Variants in GPHN observed in about 807,000 individuals in gnomAD.
GPHN encodes gephyrin.
GPHN carries 17 observed loss-of-function variants against 95.5 expected under a neutral mutation model. The ratio of observed to expected loss-of-function variants is 0.18; its 90% CI spans 0.12 to 0.27. The LOEUF (loss-of-function observed/expected upper bound fraction) is 0.27, where lower values mean the gene tolerates loss of function less well. Ranked by LOEUF, GPHN falls within the 10% of genes least tolerant of loss-of-function variation. GPHN has a pLI of 1.00. For missense variants in GPHN, 660 were observed against 978.1 expected (o/e 0.67, Z 4.34); for synonymous variants, 320 against 322.5 (o/e 0.99, Z 0.08).
intron 1 of GPHN, among the ~76,000 whole-genome samples, chr14:66,655,787 T>A (rs1398838708): frequency 1.3e-5 from 2 of 152,086 alleles, no homozygotes; most frequent in African/African-American, 2.4e-5. Context: ...TCTTCTCATC[T>A]TTTTGAGAAT....
chr14:66,861,059 T>G (rs2063003976), intron 4 of GPHN, among the ~76,000 whole-genome samples: 1 of 151,992 alleles, frequency 6.6e-6, no homozygotes, highest in Admixed American at 6.6e-5. Context: ...GAATTATAAA[T>G]GGACCAAACT....
chr14:66,619,109 A>G (rs117573042), intron 1 of GPHN, among the ~76,000 whole-genome samples: 1,848 of 152,258 alleles, frequency 0.012, 24 homozygotes, highest in Non-Finnish European at 0.018. Flanking sequence ...TTGTTCATTC[A>G]TATTCCATTA....
At chr14:67,142,496 G>A (rs1015165137) in intron 17 of GPHN, among the ~76,000 whole-genome samples, 19 of 152,084 alleles carry the variant, frequency 1.2e-4, no homozygotes, top group African/African-American at 3.9e-4. Flanking sequence ...CCATCAAAGA[G>A]CCTGTTGCAC....
intron 11 of GPHN, among the ~76,000 whole-genome samples, chr14:67,071,524 C>T (rs972126488): frequency 1.5e-4 from 23 of 151,880 alleles, no homozygotes; most frequent in African/African-American, 5.3e-4. Flanking sequence ...AGGAGATATA[C>T]CTAATGTAAA....
At chr14:67,182,842 T>TC (rs1491216817), downstream of GPHN, among the ~76,000 whole-genome samples, 2 of 72,104 alleles carry the variant, frequency 2.8e-5, no homozygotes, top group African/African-American at 9.5e-5. Context: ...TTAGTGGGTC[T>TC]TTTTTTTTTT....
intron 8 of GPHN, among the ~76,000 whole-genome samples, chr14:66,939,584 T>G (rs532822875): frequency 6.6e-6 from 1 of 152,104 alleles, no homozygotes; most frequent in East Asian, 1.9e-4. Context: ...CCCAGGCTCC[T>G]CCCCTCTGCA....
At chr14:67,045,991 G>A (rs1307835295) in intron 10 of GPHN, among the ~76,000 whole-genome samples, 1 of 152,092 alleles carries the variant, frequency 6.6e-6, no homozygotes, top group Non-Finnish European at 1.5e-5. Context: ...ATACCTCATA[G>A]ATATTACATA....
rs574945826 is a variant in GPHN, at chr14:66,726,531, T to C, written c.143+45346T>C. 1.2e-4 allele frequency among the ~76,000 whole-genome samples: 18 copies of C among 152,336 alleles called. No homozygotes were observed. The South Asian group carries it at 3.3e-3, about 28-fold the overall frequency. ...TTCTTCTAGGGATGTTTAAGATCCC[T>C]TTACTATTAATAGCTGGAAAATGAA... On this transcript the variant is annotated intron_variant, in intron 2 of 22. Coordinates refer to ENST00000478722, the MANE Select transcript of GPHN (RefSeq NM_020806.5).
At chr14:66,714,404 T>C (rs1412561829) in intron 2 of GPHN, among the ~76,000 whole-genome samples, 1 of 152,164 alleles carries the variant, frequency 6.6e-6, no homozygotes, top group Non-Finnish European at 1.5e-5. Flanking sequence ...TGGAGGAGTC[T>C]TTAGGGTTTT....
the GPHN span, chr14:67,270,933 G>C: frequency 1.3e-5 from 2 of 152,180 alleles, no homozygotes; most frequent in Non-Finnish European, 1.5e-5. Context: ...CAATGGAAAA[G>C]TAGTTCATCA....
intron 8 of GPHN, among the ~76,000 whole-genome samples, chr14:66,941,969 A>T (rs1313995950): frequency 6.6e-6 from 1 of 152,166 alleles, no homozygotes; most frequent in African/African-American, 2.4e-5. Flanking sequence ...AGATTGCTTC[A>T]GTTTTCTGCA....
intron 4 of GPHN, among the ~76,000 whole-genome samples, chr14:66,843,715 A>G (rs1246916879): frequency 1.3e-5 from 2 of 152,172 alleles, no homozygotes; most frequent in Non-Finnish European, 2.9e-5. Flanking sequence ...GAAATAGGAA[A>G]ATGCTTTGCT....
chr14:67,046,674 T>C (rs2075035970), intron 10 of GPHN, among the ~76,000 whole-genome samples: 2 of 152,196 alleles, frequency 1.3e-5, no homozygotes, highest in African/African-American at 2.4e-5. Flanking sequence ...TCAGCTATGC[T>C]TTTTTGGTTT....
At chr14:66,624,624 G>T (rs972516791) in intron 1 of GPHN, among the ~76,000 whole-genome samples, 1 of 152,210 alleles carries the variant, frequency 6.6e-6, no homozygotes, top group African/African-American at 2.4e-5. Flanking sequence ...TGGACCAGGG[G>T]TTGAGAGACT....
At chr14:67,118,096 C>A (rs1474444581) in intron 16 of GPHN, among the ~76,000 whole-genome samples, 1 of 152,094 alleles carries the variant, frequency 6.6e-6, no homozygotes, top group Non-Finnish European at 1.5e-5. Context: ...TTCCTCTACC[C>A]TTGTGAGTTC....
chr14:67,162,392 A>G (rs1434928679), intron 19 of GPHN, among the ~76,000 whole-genome samples: 1 of 152,254 alleles, frequency 6.6e-6, no homozygotes, highest in Middle Eastern at 3.2e-3. Context: ...GGTAATAAGA[A>G]CTTAAAGGTA....
the GPHN span, among the ~76,000 whole-genome samples, chr14:67,257,594 TAAC>T: frequency 6.6e-6 from 1 of 151,058 alleles, no homozygotes; most frequent in East Asian, 1.9e-4. Flanking sequence ...GCTCAACAGA[TAAC>T]TAAAAAAAAA....
In GPHN at chr14:66,590,798, ATT is replaced by A. The variant is rs1362432139; in HGVS notation, c.64+82212_64+82213del. Among the ~76,000 whole-genome samples, 11 of 152,308 alleles carry A rather than the reference ATT, an allele frequency of 7.2e-5. No individual in the cohort carries two copies. In the East Asian group the frequency reaches 1.9e-3, roughly 27 times the overall value. ...AAAGAGAAGGAATCCTCCCTAACTC[ATT>A]TTTTGAGACCAGTATCATCCTGATA... On this transcript the variant is annotated intron_variant, in intron 1 of 22. Transcript: ENST00000478722.
At chr14:67,459,719 C>T in the GPHN span, among the ~76,000 whole-genome samples, 7 of 152,330 alleles carry the variant, frequency 4.6e-5, no homozygotes, top group East Asian at 1.3e-3. Flanking sequence ...CACGCTGTTC[C>T]TCACATAGGC....
Sources: allele counts gnomAD v4.1 joint callset (sites outside exome capture counted in the v4.1 genomes callset), GRCh38; gene constraint gnomAD v4.1.1; transcripts MANE v1.5; gene names NCBI Gene and HGNC (gene_info 2026-07-23, HGNC 2026-07-21).